AUTS2: variants seen among roughly 807,000 people sequenced by gnomAD.
AUTS2 encodes the protein activator of transcription and developmental regulator AUTS2, also known as autism susceptibility gene 2 protein.
AUTS2 carries 17 observed loss-of-function variants against 112.4 expected under a neutral mutation model. The ratio of observed to expected loss-of-function variants is 0.15; its 90% CI spans 0.10 to 0.23. AUTS2 has a LOEUF of 0.23. AUTS2 is among the 10% of genes least tolerant of loss of function. AUTS2 has a pLI of 1.00. For missense variants in AUTS2, 1,510 were observed against 1,701.6 expected (o/e 0.89, Z 1.98); for synonymous variants, 751 against 702.7 (o/e 1.07, Z -1.09).
chr7:69,619,412 A>G lies in AUTS2; in HGVS notation c.309+19450A>G, dbSNP rs10272203. 3.9e-3 allele frequency among the ~76,000 whole-genome samples: 587 copies of G among 152,236 alleles called. 4 individuals carry two copies. Among genetic ancestry groups the G allele is most frequent in the African/African-American group, 0.014 (566 of 41,538 alleles). On this transcript the variant is annotated intron_variant, in intron 1 of 18. Coordinates refer to ENST00000342771, the MANE Select transcript of AUTS2 (RefSeq NM_015570.4). ...GGAAGTCAGGGGGATGCAGGGTTAC[A>G]TTTAGAAAACCTGGAGTCACACATA...
intron 1 of AUTS2, among the ~76,000 whole-genome samples, chr7:69,609,001 A>G (rs1006103307): frequency 6.6e-6 from 1 of 152,228 alleles, no homozygotes; most frequent in East Asian, 1.9e-4. Flanking sequence ...ATTTTATTCC[A>G]GCCATTGCTA....
chr7:70,183,808 A>G lies in AUTS2; in HGVS notation c.660+49237A>G, dbSNP rs1373289957. 2.3e-4 allele frequency among the ~76,000 whole-genome samples: 35 copies of G among 151,732 alleles called. 1 individual carries two copies. Among genetic ancestry groups the G allele is most frequent in the Admixed American group, 2.3e-3 (35 of 15,218 alleles). On this transcript the variant is annotated intron_variant, in intron 4 of 18. Coordinates refer to ENST00000342771, the MANE Select transcript of AUTS2 (RefSeq NM_015570.4). ...TCTTAGGCAAAGAGATTTAGGAGGT[A>G]AAATTGTCCTTTTTCTGTCTTTTTC...
At position 69,972,671 on chromosome 7, in the gene AUTS2, ATG is replaced by A. The variant is rs769055659; in HGVS notation, c.522+73202_522+73203del. Among the ~76,000 whole-genome samples, 1,199 of 84,884 alleles carry A rather than the reference ATG, an allele frequency of 0.014. 55 individuals carry two copies. The South Asian group carries it at 0.19, about 14-fold the overall frequency. The allele number at this position is 84,884 out of a possible 152,430, so 55.7% of individuals were successfully genotyped here. ...TTTTTCTTTGTGTGTGTGTGCGTGC[ATG>A]TGTGTGTGTGTGTGTGTGTGTGTGT... On this transcript the variant is annotated intron_variant, in intron 2 of 18. Coordinates refer to ENST00000342771, the MANE Select transcript of AUTS2 (RefSeq NM_015570.4).
At chr7:70,225,275 T>G (rs1239421638) in intron 4 of AUTS2, among the ~76,000 whole-genome samples, 1 of 152,162 alleles carries the variant, frequency 6.6e-6, no homozygotes, top group African/African-American at 2.4e-5. Flanking sequence ...TTGTCTCCCT[T>G]CCTCATTTTC....
At chr7:69,895,401 A>G (rs1311670964) in intron 1 of AUTS2, among the ~76,000 whole-genome samples, 3 of 152,220 alleles carry the variant, frequency 2.0e-5, no homozygotes, top group Admixed American at 6.5e-5. Flanking sequence ...ATAAAGGTAG[A>G]TCTTTGAAAA....
At chr7:69,641,568 T>C (rs1362686665) in intron 1 of AUTS2, among the ~76,000 whole-genome samples, 1 of 152,240 alleles carries the variant, frequency 6.6e-6, no homozygotes, top group Non-Finnish European at 1.5e-5. Context: ...GTTATTGGAC[T>C]GTGAAAGCTA....
At chr7:70,096,665 A>G (rs1804223439) in intron 2 of AUTS2, among the ~76,000 whole-genome samples, 8 of 151,728 alleles carry the variant, frequency 5.3e-5, no homozygotes, top group Admixed American at 5.2e-4. Flanking sequence ...TACTCATTTG[A>G]GTTTGTATAA....
intron 2 of AUTS2, among the ~76,000 whole-genome samples, chr7:70,042,507 T>A (rs1283184699): frequency 6.6e-6 from 1 of 152,186 alleles, no homozygotes; most frequent in Non-Finnish European, 1.5e-5. Flanking sequence ...TGTAAAAAAA[T>A]TGTGCATTAA....
chr7:70,652,322 C>T (rs1390240019), intron 5 of AUTS2, among the ~76,000 whole-genome samples: 1 of 151,222 alleles, frequency 6.6e-6, no homozygotes, highest in Non-Finnish European at 1.5e-5. Context: ...ATTCGTCCTA[C>T]TTAACACCAG....
At chr7:70,272,927 C>T (rs1384561097) in intron 4 of AUTS2, among the ~76,000 whole-genome samples, 1 of 152,118 alleles carries the variant, frequency 6.6e-6, no homozygotes, top group African/African-American at 2.4e-5. Context: ...AGTTCAAGAC[C>T]AATCTAGACA....
At chr7:69,816,503 C>T (rs187909637) in intron 1 of AUTS2, among the ~76,000 whole-genome samples, 39 of 152,298 alleles carry the variant, frequency 2.6e-4, no homozygotes, top group Admixed American at 7.8e-4. Flanking sequence ...TCTTCGGCCC[C>T]GTGCACAGCA....
intron 6 of AUTS2, among the ~76,000 whole-genome samples, chr7:70,702,335 T>C (rs1265284879): frequency 3.9e-5 from 6 of 152,156 alleles, no homozygotes; most frequent in Admixed American, 3.9e-4. Context: ...TGAATTGCTC[T>C]CCCTTCTTGG....
chr7:69,676,806 G>A (rs903912685), intron 1 of AUTS2, among the ~76,000 whole-genome samples: 1 of 123,604 alleles, frequency 8.1e-6, no homozygotes, highest in Non-Finnish European at 1.7e-5. Context: ...TGAAACTCTG[G>A]TTTTTTTCTT....
chr7:70,286,223 G>C (rs1788451718), intron 4 of AUTS2, among the ~76,000 whole-genome samples: 1 of 152,206 alleles, frequency 6.6e-6, no homozygotes, highest in Non-Finnish European at 1.5e-5. Context: ...ACCTTGTGCA[G>C]GGTCTTGAAG....
At chr7:69,706,563 G>C (rs909312126) in intron 1 of AUTS2, among the ~76,000 whole-genome samples, 5 of 152,178 alleles carry the variant, frequency 3.3e-5, no homozygotes, top group African/African-American at 1.2e-4. Flanking sequence ...TGAAATGTTT[G>C]TCAAATTGAA....
chr7:70,120,432 T>A (rs1805623918), intron 3 of AUTS2: 1 of 152,152 alleles, frequency 6.6e-6, no homozygotes, highest in African/African-American at 2.4e-5. Context: ...ATGTGTCTGA[T>A]TAATTTTGTG....
At chr7:70,615,725 TG>T (rs1198268653) in intron 5 of AUTS2, among the ~76,000 whole-genome samples, 1 of 152,078 alleles carries the variant, frequency 6.6e-6, no homozygotes, top group Non-Finnish European at 1.5e-5. Flanking sequence ...AATAAGAGTT[TG>T]GGGACAGTGC....
At chr7:69,789,752 A>G (rs55752344) in intron 1 of AUTS2, among the ~76,000 whole-genome samples, 2,175 of 152,124 alleles carry the variant, frequency 0.014, 22 homozygotes, top group Middle Eastern at 0.037. Flanking sequence ...TTTTCTGGCC[A>G]TGGATAGACT....
intron 5 of AUTS2, among the ~76,000 whole-genome samples, chr7:70,597,885 A>T (rs1288299231): frequency 1.3e-5 from 2 of 152,220 alleles, no homozygotes; most frequent in Non-Finnish European, 2.9e-5. Flanking sequence ...CACGAGGTCT[A>T]GATTTTCAAC....
Sources: gnomAD v4.1 joint callset for allele counts (sites outside exome capture counted in the v4.1 genomes callset) on GRCh38, gnomAD v4.1.1 for gene constraint, MANE v1.5 for transcripts, NCBI Gene and HGNC (gene_info 2026-07-23, HGNC 2026-07-21) for gene names.